Variants in FBN1 observed in about 807,000 individuals in gnomAD.
FBN1 encodes the protein fibrillin-1.
FBN1 carries 29 observed loss-of-function variants against 365.1 expected under a neutral mutation model. The observed-to-expected ratio is 0.08, with a 90% confidence interval of 0.06 to 0.11. The LOEUF (loss-of-function observed/expected upper bound fraction) is 0.11. Ranked by LOEUF, FBN1 falls within the 10% of genes least tolerant of loss-of-function variation. FBN1 has a pLI of 1.00. For synonymous variants in FBN1, 1,210 were observed against 1,270.5 expected (o/e 0.95, Z 1.01); for missense variants, 2,476 against 3,703.2 (o/e 0.67, Z 8.60).
rs941655144 is a variant in FBN1, at chr15:48,440,251, C to T, written c.6163+1470G>A. On this transcript the variant is annotated intron_variant, in intron 50 of 65. Transcript: ENST00000316623. ...AAAAGTCACTTTCCCTGCTTGCATT[C>T]CTCAGTTCTGGCTCTGCCTCCTGGA... Among the ~76,000 whole-genome samples the T allele has an allele frequency of 3.9e-5, 6 of 152,210 alleles. No homozygotes were observed. The East Asian group carries it at 1.2e-3, about 29-fold the overall frequency.
In FBN1 at chr15:48,465,940, T is replaced by C. The variant is rs1156952743; in HGVS notation, c.4748-82A>G. 3.3e-6 allele frequency: 3 copies of C among 920,820 alleles called. No individual in the cohort carries two copies. The African/African-American group carries it at 4.9e-5, about 15-fold the overall frequency. 57.0% of individuals were successfully genotyped at this position (920,820 alleles called of 1,614,324 possible). A position where few individuals can be genotyped will look rare whatever the true frequency, so the allele number is the denominator to read the frequency against. ...TATCCTCAAGAGAAATACTCACATATCCAACTGAAAATGTTCATTTTCAGG... is the reference window on the plus strand; with the variant it reads ...TATCCTCAAGAGAAATACTCACATACCCAACTGAAAATGTTCATTTTCAGG... On this transcript the variant is annotated intron_variant, in intron 38 of 65. Transcript: ENST00000316623.
At chr15:48,588,626 A>G (rs1438666603) in intron 6 of FBN1, among the ~76,000 whole-genome samples, 1 of 152,270 alleles carries the variant, frequency 6.6e-6, no homozygotes. Context: ...TTGAACCACC[A>G]AGGGAACAGA....
intron 6 of FBN1, among the ~76,000 whole-genome samples, chr15:48,547,138 T>G (rs2141369120): frequency 6.6e-6 from 1 of 152,218 alleles, no homozygotes; most frequent in Middle Eastern, 3.4e-3. Flanking sequence ...GACTTGTGTG[T>G]TTTTGCTTTT....
At chr15:48,530,698 CT>C (rs2043963302) in intron 8 of FBN1, among the ~76,000 whole-genome samples, 3 of 152,132 alleles carry the variant, frequency 2.0e-5, no homozygotes, top group Non-Finnish European at 4.4e-5. Flanking sequence ...TTCTCCTTAG[CT>C]CCTGAGAGGA....
At chr15:48,454,789 G>T (rs1249777835) in intron 44 of FBN1, among the ~76,000 whole-genome samples, 2 of 152,208 alleles carry the variant, frequency 1.3e-5, no homozygotes, top group Non-Finnish European at 2.9e-5. Context: ...AGTCAGTGGG[G>T]GTTCCTGTCT....
At position 48,425,499 on chromosome 15, in the gene FBN1, C is replaced by T. The variant is rs1345210682; in HGVS notation, c.7331-8G>A. 6.2e-7 allele frequency: 1 copy of T among 1,613,894 alleles called. No homozygotes were observed. The highest frequency in any genetic ancestry group is 8.5e-7 in the Non-Finnish European group (1 of 1,179,984). On this transcript the variant is annotated splice_polypyrimidine_tract_variant and splice_region_variant and intron_variant, in intron 59 of 65. Transcript: ENST00000316623. The stretch of plus-strand genomic sequence containing the variant: ...GGTTGCACTCGTTCAGATCTATGAT[C>T]AAAGAAATACAGCGTGACTGTGCAT...
At chr15:48,561,749 C>T (rs755615358) in intron 6 of FBN1, among the ~76,000 whole-genome samples, 1 of 152,090 alleles carries the variant, frequency 6.6e-6, no homozygotes, top group Non-Finnish European at 1.5e-5. Flanking sequence ...CCTAATTTAG[C>T]GTATGTTTTT....
intron 6 of FBN1, among the ~76,000 whole-genome samples, chr15:48,585,775 T>A (rs1422185609): frequency 2.0e-5 from 3 of 152,196 alleles, no homozygotes; most frequent in Non-Finnish European, 4.4e-5. Context: ...GATTAGCCAA[T>A]TGTGTAATTC....
At chr15:48,559,744 A>T (rs2044209711) in intron 6 of FBN1, among the ~76,000 whole-genome samples, 1 of 152,214 alleles carries the variant, frequency 6.6e-6, no homozygotes, top group African/African-American at 2.4e-5. Flanking sequence ...AGATGATGGC[A>T]TATCAGAAGA....
At position 48,505,059 on chromosome 15, in the gene FBN1, T is replaced by C; in HGVS notation, c.1926A>G (p.Gly642=). The change falls in exon 16 of 66, where the codon GGA becomes GGG. Residue 642 remains glycine, a synonymous_variant. Coordinates refer to ENST00000316623, the MANE Select transcript of FBN1 (RefSeq NM_000138.5). ...CACGGCCATCCAGACCCACAGCCAG[T>C]CCAGGGAAGCATTCACATCTGTAGG... is the stretch of plus-strand genomic sequence containing the variant. ...DGSYRCECFP[G]LAVGLDGRVC... 1 of 1,614,172 alleles carries C rather than the reference T, an allele frequency of 6.2e-7. No individual in the cohort carries two copies. Among genetic ancestry groups the C allele is most frequent in the Admixed American group, 1.7e-5 (1 of 60,018 alleles).
intron 7 of FBN1, 107 bp from the exon 8 acceptor site, chr15:48,534,312 G>T: frequency 8.4e-7 from 1 of 1,191,544 alleles, no homozygotes; most frequent in Non-Finnish European, 1.2e-6. Context: ...ATTTATATCG[G>T]TGAGTTATTT....
chr15:48,619,689 A>G (rs913272177), intron 2 of FBN1, among the ~76,000 whole-genome samples: 3 of 152,082 alleles, frequency 2.0e-5, no homozygotes, highest in Admixed American at 6.5e-5. Flanking sequence ...ACAAGCACAA[A>G]GCTGTTCAAC....
intron 43 of FBN1, among the ~76,000 whole-genome samples, chr15:48,459,278 G>A (rs1041656065): frequency 2.6e-5 from 4 of 152,160 alleles, no homozygotes; most frequent in African/African-American, 7.2e-5. Context: ...TTTTGGGAAG[G>A]GGAAAAACAA....
chr15:48,449,190 G>C (rs2043181541), intron 45 of FBN1, among the ~76,000 whole-genome samples: 1 of 152,180 alleles, frequency 6.6e-6, no homozygotes, highest in Non-Finnish European at 1.5e-5. Flanking sequence ...TTTTCTGTTT[G>C]ATTATCGGCC....
At chr15:48,454,609 A>AT (rs1182723106) in intron 44 of FBN1, among the ~76,000 whole-genome samples, 2 of 152,242 alleles carry the variant, frequency 1.3e-5, no homozygotes, top group East Asian at 3.8e-4. Flanking sequence ...ACTAAGTCCA[A>AT]TAAAGGGGAT....
intron 14 of FBN1, 133 bp downstream of exon 14, chr15:48,509,911 C>T (rs768741351): frequency 1.0e-6 from 1 of 962,330 alleles, no homozygotes; most frequent in Non-Finnish European, 1.6e-6. Flanking sequence ...GAAAATTAGG[C>T]TTCCTTTTGA....
In FBN1 at chr15:48,468,554, A is replaced by G; in HGVS notation, c.4460-20T>C. The G allele has an allele frequency of 1.2e-6, 2 of 1,613,968 alleles. No individual in the cohort carries two copies. The highest frequency in any genetic ancestry group is 1.7e-6 in the Non-Finnish European group (2 of 1,179,890). On this transcript the variant is annotated intron_variant, in intron 36 of 65. Transcript: ENST00000316623. Reference sequence around the variant, plus strand: ...TCACATCTAAAACCGAACAGTGAGTAGTGGAGTTATCACCTGAGCCAGTGT... The same window carrying G: ...TCACATCTAAAACCGAACAGTGAGTGGTGGAGTTATCACCTGAGCCAGTGT...
At chr15:48,477,617 T>C (rs1034867805) in intron 32 of FBN1, among the ~76,000 whole-genome samples, 2 of 152,152 alleles carry the variant, frequency 1.3e-5, no homozygotes, top group Admixed American at 6.5e-5. Context: ...AAGGGGAAAG[T>C]GAGCCATAAG....
chr15:48,643,138 G>A (rs563192070), intron 2 of FBN1: 25 of 152,342 alleles, frequency 1.6e-4, no homozygotes, highest in African/African-American at 6.0e-4. Flanking sequence ...TTATGTAGGA[G>A]AAATGTATTT....
Sources: allele counts gnomAD v4.1 joint callset (sites outside exome capture counted in the v4.1 genomes callset), GRCh38; gene constraint gnomAD v4.1.1; transcripts MANE v1.5; gene names NCBI Gene and HGNC (gene_info 2026-07-23, HGNC 2026-07-21).